The following RIMS1 variants were observed in gnomAD, a reference collection of about 807,000 sequenced individuals.
The protein encoded by RIMS1 is regulating synaptic membrane exocytosis protein 1.
In RIMS1, 83 loss-of-function variants were observed where a neutral mutation model predicts 214.1. The observed-to-expected ratio is 0.39, with a 90% confidence interval of 0.32 to 0.47. The LOEUF is 0.47. Among genes scored for constraint, RIMS1 ranks in the 20% least tolerant of loss-of-function variants. RIMS1 has a pLI of 0.99. For synonymous variants in RIMS1, 793 were observed against 786.8 expected, an observed-to-expected ratio of 1.01 and a Z score of -0.13; for missense variants, 2,050 against 2,161.8, an observed-to-expected ratio of 0.95 and a Z score of 1.03.
At chr6:72,115,030 A>T (rs944889247) in intron 4 of RIMS1, among the ~76,000 whole-genome samples, 1 of 151,968 alleles carries the variant, frequency 6.6e-6, no homozygotes, top group Non-Finnish European at 1.5e-5. Flanking sequence ...CATATATGAT[A>T]AGTGGAAACA....
intron 2 of RIMS1, among the ~76,000 whole-genome samples, chr6:72,002,818 G>A (rs765144611): frequency 3.3e-5 from 5 of 152,096 alleles, no homozygotes; most frequent in African/African-American, 1.2e-4. Context: ...CTGGAGTGTT[G>A]TTTACCCTTT....
intron 6 of RIMS1, among the ~76,000 whole-genome samples, chr6:72,196,600 T>TTTTTTTTTTTTTTTTTTTTTTC (rs1367802850): frequency 7.2e-6 from 1 of 139,484 alleles, no homozygotes; most frequent in Non-Finnish European, 1.6e-5. Flanking sequence ...TTTTTTTTTT[T>TTTTTTTTTTTTTTTTTTTTTTC]TTTACCTATA....
intron 1 of RIMS1, among the ~76,000 whole-genome samples, chr6:71,928,030 T>C (rs1023176957): frequency 6.6e-6 from 1 of 152,142 alleles, no homozygotes; most frequent in African/African-American, 2.4e-5. Flanking sequence ...TTTCAAATAA[T>C]AGAATGCATG....
Position 72,277,249 on chromosome 6 carries a change from AT to A in RIMS1, c.3482+2820del, listed in dbSNP as rs201412447. ...CAGTTTTTCTCAAGTGATACCATAG[AT>A]TTATTTGGAATTAACATGAAGGTAC... On this transcript the variant is annotated intron_variant, in intron 23 of 33. Transcript: ENST00000521978. Among the ~76,000 whole-genome samples, 1,228 of 152,196 alleles carry A rather than the reference AT, an allele frequency of 8.1e-3. 19 individuals are homozygous for A. The highest frequency in any genetic ancestry group is 0.029 in the African/African-American group (1,194 of 41,526).
intron 29 of RIMS1, among the ~76,000 whole-genome samples, chr6:72,377,222 C>T (rs1012958090): frequency 1.1e-4 from 17 of 152,270 alleles, no homozygotes; most frequent in African/African-American, 3.6e-4. Context: ...ACCTTGGCTC[C>T]GTCCTGTACC....
intron 3 of RIMS1, among the ~76,000 whole-genome samples, chr6:72,099,281 AC>A (rs763789429): frequency 2.6e-5 from 4 of 152,236 alleles, no homozygotes; most frequent in Non-Finnish European, 5.9e-5. Flanking sequence ...GAGGACACTC[AC>A]GCCTAGTGTA....
intron 1 of RIMS1, among the ~76,000 whole-genome samples, chr6:71,918,657 G>A (rs1046164094): frequency 3.9e-5 from 6 of 152,076 alleles, no homozygotes; most frequent in Non-Finnish European, 7.4e-5. Flanking sequence ...CCAATTAAGA[G>A]TTTAAAAGAA....
intron 2 of RIMS1, among the ~76,000 whole-genome samples, chr6:72,086,754 A>G (rs764261548): frequency 6.6e-6 from 1 of 152,178 alleles, no homozygotes; most frequent in Non-Finnish European, 1.5e-5. Flanking sequence ...GCTAATAGAT[A>G]AGTAAGTGGG....
At chr6:72,302,940 A>C (rs1284653893) in intron 26 of RIMS1, among the ~76,000 whole-genome samples, 1 of 151,204 alleles carries the variant, frequency 6.6e-6, no homozygotes, top group Non-Finnish European at 1.5e-5. Flanking sequence ...TTTTTTGCCT[A>C]TAAACACAAA....
In RIMS1 at chr6:72,182,834, G is replaced by A. The variant is rs915159067; in HGVS notation, c.1363G>A (p.Gly455Arg). Residue 455 changes from glycine to arginine, a missense_variant, in exon 6 of 34, where the codon GGG becomes AGG. This residue lies in a region of RIMS1 where 882 missense variants were observed against 828.9 expected (regional missense o/e 1.06). Coordinates refer to ENST00000521978, the MANE Select transcript of RIMS1 (RefSeq NM_014989.7). ...TNHSPPAPRH[G>R]PVPAEAPELK... ...CCACAGCCCGCCGGCGCCCAGACAT[G>A]GGCCGGTTCCCGCAGAAGCCCCGGA... 6.4e-7 allele frequency: 1 copy of A among 1,552,038 alleles called. No individual in the cohort carries two copies. Among genetic ancestry groups the A allele is most frequent in the Non-Finnish European group, 8.7e-7 (1 of 1,150,764 alleles).
At position 72,051,882 on chromosome 6, in the gene RIMS1, A is replaced by G. The variant is rs558688170; in HGVS notation, c.246-45067A>G. Among the ~76,000 whole-genome samples, 12 of 152,180 alleles carry G rather than the reference A, an allele frequency of 7.9e-5. No individual in the cohort carries two copies. The East Asian group carries it at 2.3e-3, about 29-fold the overall frequency. ...TTAGCTGTTTTTTTTTCAATTTAGT[A>G]CACCCAAGCATAATCAGTAGTAGAT... On this transcript the variant is annotated intron_variant, in intron 2 of 33. Coordinates refer to ENST00000521978, the MANE Select transcript of RIMS1 (RefSeq NM_014989.7).
At chr6:71,962,823 C>T (rs1191139677) in intron 1 of RIMS1, among the ~76,000 whole-genome samples, 1 of 151,932 alleles carries the variant, frequency 6.6e-6, no homozygotes. Context: ...AATCTTTTGT[C>T]TTTTCACCTT....
chr6:71,935,487 A>T (rs187594735), intron 1 of RIMS1, among the ~76,000 whole-genome samples: 1 of 152,346 alleles, frequency 6.6e-6, no homozygotes, highest in East Asian at 1.9e-4. Context: ...AAAATCTGTT[A>T]AAAATGTTTT....
chr6:72,171,916 A>G (rs895750467), intron 4 of RIMS1, among the ~76,000 whole-genome samples: 3 of 152,206 alleles, frequency 2.0e-5, no homozygotes, highest in Non-Finnish European at 4.4e-5. Flanking sequence ...ATAAAAGTGA[A>G]TATTTATAAA....
At chr6:71,932,406 T>C (rs1469996312) in intron 1 of RIMS1, among the ~76,000 whole-genome samples, 10 of 152,026 alleles carry the variant, frequency 6.6e-5, no homozygotes, top group Admixed American at 5.9e-4. Context: ...TTCTCACTTA[T>C]AAGTAGGAGC....
chr6:72,047,605 C>G (rs576739859), intron 2 of RIMS1, among the ~76,000 whole-genome samples: 3 of 151,838 alleles, frequency 2.0e-5, no homozygotes, highest in Admixed American at 2.0e-4. Context: ...ATAAACTGTG[C>G]GGGCTAGTTT....
intron 1 of RIMS1, among the ~76,000 whole-genome samples, chr6:71,945,331 A>G (rs950402091): frequency 6.6e-6 from 1 of 152,196 alleles, no homozygotes; most frequent in Non-Finnish European, 1.5e-5. Context: ...CTGGAGGGAC[A>G]TACACATGGA....
chr6:72,194,011 G>C (rs2050473867), intron 6 of RIMS1, among the ~76,000 whole-genome samples: 2 of 152,104 alleles, frequency 1.3e-5, no homozygotes. Context: ...TGTGGAAGAT[G>C]TGTTCTATAG....
chr6:72,132,948 A>C (rs1326993808), intron 4 of RIMS1, among the ~76,000 whole-genome samples: 5 of 152,056 alleles, frequency 3.3e-5, no homozygotes. Context: ...TAAAATATCC[A>C]TATGTTTTTT....
Sources: gnomAD v4.1 joint callset for allele counts (sites outside exome capture counted in the v4.1 genomes callset) on GRCh38, gnomAD v4.1.1 for gene constraint, gnomAD v4.1.1 regional missense constraint, MANE v1.5 for transcripts, NCBI Gene and HGNC (gene_info 2026-07-23, HGNC 2026-07-21) for gene names.